Variants in EYS observed in about 807,000 individuals in gnomAD.
The protein encoded by EYS is protein eyes shut homolog.
Under a neutral mutation model 282.1 loss-of-function variants are expected in EYS, and 250 were observed. The ratio of observed to expected loss-of-function variants is 0.89; its 90% confidence interval spans 0.80 to 0.98. The LOEUF (loss-of-function observed/expected upper bound fraction) is 0.98, where lower values mean the gene tolerates loss of function less well. Among genes scored for constraint, EYS ranks in the 50% least tolerant of loss-of-function variants. The probability of loss-of-function intolerance (pLI) is 0.00; values close to 1 mark genes in which losing one functional copy is unlikely to be tolerated. For missense variants in EYS, 4,016 were observed against 3,709.0 expected, an observed-to-expected ratio of 1.08 and a Z score of -2.15; for synonymous variants, 1,355 against 1,282.9, an observed-to-expected ratio of 1.06 and a Z score of -1.20.
intron 30 of EYS, among the ~76,000 whole-genome samples, chr6:64,248,326 C>T (rs1422835064): frequency 6.6e-6 from 1 of 151,884 alleles, no homozygotes; most frequent in African/African-American, 2.4e-5. Flanking sequence ...ATTAGTAATT[C>T]ATGTTTATTT....
At chr6:64,048,997 A>G (rs1316591677) in intron 33 of EYS, among the ~76,000 whole-genome samples, 1 of 152,160 alleles carries the variant, frequency 6.6e-6, no homozygotes, top group Admixed American at 6.5e-5. Flanking sequence ...ACCATCTTCA[A>G]ATCTCAAGTG....
intron 7 of EYS, among the ~76,000 whole-genome samples, chr6:65,395,816 C>T (rs1392247087): frequency 1.3e-5 from 2 of 152,076 alleles, no homozygotes; most frequent in African/African-American, 4.8e-5. Context: ...CCTTCTAACT[C>T]TACTGAAATA....
At chr6:64,310,213 C>T (rs904876342) in intron 29 of EYS, among the ~76,000 whole-genome samples, 1 of 152,110 alleles carries the variant, frequency 6.6e-6, no homozygotes, top group Non-Finnish European at 1.5e-5. Flanking sequence ...TACCACTCGA[C>T]CCAGCAATCC....
chr6:65,090,613 CAGAAG>C (rs1774530864), intron 12 of EYS, among the ~76,000 whole-genome samples: 2 of 151,792 alleles, frequency 1.3e-5, no homozygotes, highest in South Asian at 2.1e-4. Context: ...TGAATGGAAA[CAGAAG>C]AGAAGTTAAA....
intron 22 of EYS, among the ~76,000 whole-genome samples, chr6:64,673,788 T>A (rs1021417705): frequency 6.6e-6 from 1 of 152,034 alleles, no homozygotes; most frequent in African/African-American, 2.4e-5. Flanking sequence ...ATTCTTACAA[T>A]GTTTTAATGA....
intron 22 of EYS, among the ~76,000 whole-genome samples, chr6:64,750,874 C>A (rs1772723497): frequency 6.6e-6 from 1 of 152,174 alleles, no homozygotes; most frequent in Non-Finnish European, 1.5e-5. Context: ...GTAGGAGCCC[C>A]AGTACATGAG....
At chr6:65,512,859 C>G (rs1451789285) in intron 2 of EYS, among the ~76,000 whole-genome samples, 2 of 152,008 alleles carry the variant, frequency 1.3e-5, no homozygotes, top group Non-Finnish European at 1.5e-5. Context: ...AATTGACACC[C>G]TAACATCATA....
chr6:65,155,976 G>A (rs1764719634), intron 12 of EYS, among the ~76,000 whole-genome samples: 2 of 151,392 alleles, frequency 1.3e-5, no homozygotes, highest in Admixed American at 1.3e-4. Flanking sequence ...AGGAAGATCT[G>A]TATTTCAGAA....
chr6:65,363,141 A>AT (rs34241281), intron 8 of EYS, among the ~76,000 whole-genome samples: 64,990 of 148,744 alleles, frequency 0.44, 15,783 homozygotes, highest in African/African-American at 0.49. Context: ...TGTGATCATC[A>AT]GGGCTACAAA....
intron 19 of EYS, among the ~76,000 whole-genome samples, chr6:64,882,616 C>T (rs896010980): frequency 6.6e-6 from 1 of 151,590 alleles, no homozygotes; most frequent in African/African-American, 2.4e-5. Context: ...TATCTATAGA[C>T]TTATAGTTAT....
intron 22 of EYS, among the ~76,000 whole-genome samples, chr6:64,775,010 C>T (rs1343820395): frequency 6.6e-6 from 1 of 151,864 alleles, no homozygotes; most frequent in East Asian, 1.9e-4. Context: ...AAGTAAATAG[C>T]CTGTAAATAG....
intron 12 of EYS, among the ~76,000 whole-genome samples, chr6:65,159,467 G>C (rs183173632): frequency 5.3e-5 from 8 of 150,982 alleles, no homozygotes; most frequent in African/African-American, 1.4e-4. Flanking sequence ...ATATGGGTCA[G>C]GGAGGGACAT....
chr6:64,055,736 C>T (rs1011348250), intron 33 of EYS, among the ~76,000 whole-genome samples: 6 of 152,230 alleles, frequency 3.9e-5, no homozygotes, highest in Admixed American at 1.3e-4. Context: ...TCTTCTGAAG[C>T]GTCACTGTTT....
intron 1 of EYS, among the ~76,000 whole-genome samples, chr6:65,656,560 A>G (rs982115820): frequency 2.0e-5 from 3 of 151,900 alleles, no homozygotes; most frequent in African/African-American, 7.2e-5. Context: ...AATTACGTGA[A>G]GACAGAGAGA....
chr6:64,103,112 A>T (rs890381587), intron 31 of EYS, among the ~76,000 whole-genome samples: 1 of 152,194 alleles, frequency 6.6e-6, no homozygotes, highest in Admixed American at 6.5e-5. Context: ...CTGGATGATG[A>T]TAGAACAAGA....
intron 2 of EYS, among the ~76,000 whole-genome samples, chr6:65,602,520 C>T (rs901401791): frequency 2.0e-5 from 3 of 151,896 alleles, no homozygotes; most frequent in Non-Finnish European, 4.4e-5. Flanking sequence ...ATTCTTTCCA[C>T]AAATATTTAT....
rs887491800 is a variant in EYS, at chr6:63,778,264, TAGA to T, written c.7724-87_7724-85del. ...AGAAGGTTATTTTTCATTTTTAAAG[TAGA>T]AGTTTTTCAAAATAAAGTAATACAT... On this transcript the variant is annotated intron_variant, in intron 39 of 42. Coordinates refer to ENST00000503581, the MANE Select transcript of EYS (RefSeq NM_001142800.2). The T allele has an allele frequency of 2.2e-6, 3 of 1,369,808 alleles. No homozygotes were observed. The African/African-American group carries it at 4.4e-5, about 20-fold the overall frequency. The allele number at this position is 1,369,808 out of a possible 1,614,324, so 84.9% of individuals were successfully genotyped here.
chr6:64,654,788 G>A (rs1051164290), intron 22 of EYS, among the ~76,000 whole-genome samples: 1 of 152,096 alleles, frequency 6.6e-6, no homozygotes, highest in Non-Finnish European at 1.5e-5. Context: ...GGCCACTTCT[G>A]TCACTGCAAA....
chr6:64,926,055 C>T lies in EYS; in HGVS notation c.2382-13312G>A, dbSNP rs563248846. 2.0e-3 allele frequency among the ~76,000 whole-genome samples: 297 copies of T among 152,262 alleles called. 3 individuals carry two copies. The highest frequency in any genetic ancestry group is 3.4e-3 in the Non-Finnish European group (229 of 68,020). On this transcript the variant is annotated intron_variant, in intron 15 of 42. Coordinates refer to ENST00000503581, the MANE Select transcript of EYS (RefSeq NM_001142800.2). ...CTCTCGTACTCCCAACCTAGGAGGG[C>T]TCCCTCCTATAGTCTGACTCTGGCA...
Sources: allele counts gnomAD v4.1 joint callset (sites outside exome capture counted in the v4.1 genomes callset), GRCh38; gene constraint gnomAD v4.1.1; transcripts MANE v1.5; gene names NCBI Gene and HGNC (gene_info 2026-07-23, HGNC 2026-07-21).